PHLPP2: variants seen among roughly 807,000 people sequenced by gnomAD.
The protein encoded by PHLPP2 is PH domain and leucine rich repeat protein phosphatase 2, also known as PH domain leucine-rich repeat-containing protein phosphatase 2.
A neutral mutation model predicts 124.9 loss-of-function variants in PHLPP2; 66 were observed. The ratio of observed to expected loss-of-function variants is 0.53; its 90% confidence interval spans 0.43 to 0.65. The LOEUF (loss-of-function observed/expected upper bound fraction) is 0.65. PHLPP2 is among the 30% of genes least tolerant of loss of function. The pLI is 0.00. For missense variants in PHLPP2, 1,685 were observed against 1,600.4 expected, an observed-to-expected ratio of 1.05 and a Z score of -0.90; for synonymous variants, 681 against 624.7, an observed-to-expected ratio of 1.09 and a Z score of -1.34.
intron 1 of PHLPP2, among the ~76,000 whole-genome samples, chr16:71,716,692 T>A (rs1161817910): frequency 6.6e-6 from 1 of 152,190 alleles, no homozygotes; most frequent in Non-Finnish European, 1.5e-5. Context: ...ACCACAATTC[T>A]GTGGCCTGTC....
At chr16:71,693,725 C>T (rs894141297) in intron 3 of PHLPP2, among the ~76,000 whole-genome samples, 3 of 152,190 alleles carry the variant, frequency 2.0e-5, no homozygotes, top group East Asian at 1.9e-4. Context: ...TAATCTCCCA[C>T]GGCTGCCTTC....
chr16:71,702,106 C>T (rs566685466), intron 3 of PHLPP2, among the ~76,000 whole-genome samples: 8 of 152,168 alleles, frequency 5.3e-5, no homozygotes, highest in Admixed American at 3.3e-4. Flanking sequence ...ATAGATGGGT[C>T]GTGTTCCTCA....
At chr16:71,651,872 T>C (rs1049275633) in intron 18 of PHLPP2, among the ~76,000 whole-genome samples, 1 of 152,176 alleles carries the variant, frequency 6.6e-6, no homozygotes, top group Non-Finnish European at 1.5e-5. Flanking sequence ...AGCTTACACT[T>C]TTCACAAATA....
chr16:71,685,313 C>T (rs909641980), intron 4 of PHLPP2, among the ~76,000 whole-genome samples: 4 of 152,174 alleles, frequency 2.6e-5, no homozygotes, highest in Non-Finnish European at 2.9e-5. Context: ...GGCGACAGTG[C>T]GAGACTCCGT....
At position 71,682,224 on chromosome 16, in the gene PHLPP2, T is replaced by C. The variant is rs538259202; in HGVS notation, c.736-319A>G. 2.6e-3 allele frequency among the ~76,000 whole-genome samples: 387 copies of C among 150,248 alleles called. 2 individuals carry two copies. Among genetic ancestry groups the C allele is most frequent in the Middle Eastern group, 0.01 (3 of 292 alleles). ...TTGTTTGTTTTGTTTTTGGGTTTTT[T>C]TTTTTTTTTTTGGGACAGAGTCTTG... On this transcript the variant is annotated intron_variant, in intron 5 of 18. Coordinates refer to ENST00000568954, the MANE Select transcript of PHLPP2 (RefSeq NM_015020.3).
At chr16:71,657,029 G>A (rs955886378) in intron 15 of PHLPP2, among the ~76,000 whole-genome samples, 4 of 151,814 alleles carry the variant, frequency 2.6e-5, no homozygotes, top group African/African-American at 9.7e-5. Context: ...TGCAACCTTC[G>A]CTTCCTGAGT....
intron 15 of PHLPP2, among the ~76,000 whole-genome samples, 189 bp downstream of exon 15, chr16:71,658,044 A>G (rs913085582): frequency 2.6e-5 from 4 of 152,214 alleles, no homozygotes; most frequent in Non-Finnish European, 5.9e-5. Context: ...AGTAGTCCTA[A>G]TATAAACAGG....
rs1011273832 is a variant in PHLPP2, at chr16:71,647,759, GAGA to G, written c.*1128_*1130del. The G allele has an allele frequency of 6.6e-6, 1 of 152,144 alleles. No homozygotes were observed. Among genetic ancestry groups the G allele is most frequent in the African/African-American group, 2.4e-5 (1 of 41,408 alleles). 9.4% of individuals were successfully genotyped at this position (152,144 alleles called of 1,614,324 possible). On this transcript the variant is annotated 3_prime_UTR_variant, in exon 19 of 19. Transcript: ENST00000568954. ...GGTAATTCTCTTTTTCTGATCTAGG[GAGA>G]AGTAGTCTAGGTCCTCACGCCTTCC...
intron 18 of PHLPP2, among the ~76,000 whole-genome samples, chr16:71,652,459 C>T (rs146900136): frequency 1.1e-3 from 168 of 152,322 alleles, no homozygotes; most frequent in Non-Finnish European, 2.2e-3. Context: ...AACTAGAGAA[C>T]TCTTTCTTCT....
chr16:71,719,154 ATTG>A (rs781551699), intron 1 of PHLPP2, among the ~76,000 whole-genome samples: 3 of 152,224 alleles, frequency 2.0e-5, no homozygotes, highest in Non-Finnish European at 4.4e-5. Context: ...CTCTTATAGA[ATTG>A]TTATCACAAA....
intron 4 of PHLPP2, among the ~76,000 whole-genome samples, chr16:71,688,295 C>T (rs2045072972): frequency 6.6e-6 from 1 of 152,178 alleles, no homozygotes; most frequent in African/African-American, 2.4e-5. Flanking sequence ...GAACAAAATT[C>T]TATTAGCAAA....
At chr16:71,698,634 G>A (rs1231460495) in intron 3 of PHLPP2, 1 of 594,202 alleles carries the variant, frequency 1.7e-6, no homozygotes, top group Non-Finnish European at 3.2e-6. Flanking sequence ...CAAGGAAGCT[G>A]CTGTGGGCAG....
chr16:71,706,054 A>C (rs1368480096), intron 2 of PHLPP2, among the ~76,000 whole-genome samples: 1 of 152,240 alleles, frequency 6.6e-6, no homozygotes, highest in African/African-American at 2.4e-5. Flanking sequence ...ATCTCTCACC[A>C]ATCAAAGGGA....
rs560062488 is a variant in PHLPP2 at position 71,719,381 on chromosome 16, CAGA to C, written c.-6-4583_-6-4581del. Reference sequence around the variant, plus strand: ...CAAAACCCCGTCTCTATTAAAAATACAGAAGAATTACCCGGGGGTGGTGGCACG... The same window carrying C: ...CAAAACCCCGTCTCTATTAAAAATACAGAATTACCCGGGGGTGGTGGCACG... On this transcript the variant is annotated intron_variant, in intron 1 of 18. Transcript: ENST00000568954. Among the ~76,000 whole-genome samples, 186 of 152,194 alleles carry C rather than the reference CAGA, an allele frequency of 1.2e-3. 5 individuals carry two copies. In the South Asian group the frequency reaches 0.038, roughly 31 times the overall value.
intron 2 of PHLPP2, among the ~76,000 whole-genome samples, chr16:71,712,392 C>T (rs2045329932): frequency 1.3e-5 from 2 of 152,216 alleles, no homozygotes. Context: ...TAAACTATCA[C>T]ATTCGGATTC....
intron 3 of PHLPP2, among the ~76,000 whole-genome samples, chr16:71,693,124 TA>T (rs1316403582): frequency 2.0e-5 from 3 of 152,020 alleles, no homozygotes; most frequent in Non-Finnish European, 4.4e-5. Context: ...CCATCTCTAC[TA>T]AAAATACAAA....
At chr16:71,723,847 C>T in intron 1 of PHLPP2, 1 of 1,222,166 alleles carries the variant, frequency 8.2e-7, no homozygotes, top group South Asian at 2.8e-5. Context: ...GGCCCGCGGG[C>T]CCCGGCTCCA....
intron 2 of PHLPP2, among the ~76,000 whole-genome samples, chr16:71,712,253 T>C (rs1298098303): frequency 6.6e-6 from 1 of 152,242 alleles, no homozygotes; most frequent in Admixed American, 6.5e-5. Context: ...AATGAAAATA[T>C]ATTCATTCTT....
chr16:71,670,694 A>AC, intron 10 of PHLPP2, among the ~76,000 whole-genome samples: 10 of 142,792 alleles, frequency 7.0e-5, no homozygotes, highest in African/African-American at 2.4e-4. Context: ...AAGAGGCTGA[A>AC]AACACACACA....
Sources: allele counts gnomAD v4.1 joint callset (sites outside exome capture counted in the v4.1 genomes callset), GRCh38; gene constraint gnomAD v4.1.1; transcripts MANE v1.5; gene names NCBI Gene and HGNC (gene_info 2026-07-23, HGNC 2026-07-21).